SLCO3A1: variants seen among roughly 807,000 people sequenced by gnomAD.
SLCO3A1 encodes the protein PGE1 transporter.
In SLCO3A1, 27 loss-of-function variants were observed where a neutral mutation model predicts 63.1. That is an observed-to-expected ratio of 0.43 (90% CI 0.32 to 0.59). The LOEUF (loss-of-function observed/expected upper bound fraction) is 0.59. Among genes scored for constraint, SLCO3A1 ranks in the 20% least tolerant of loss-of-function variants. The probability of loss-of-function intolerance (pLI) is 0.09; values close to 1 mark genes in which losing one functional copy is unlikely to be tolerated. For synonymous variants in SLCO3A1, 473 were observed against 409.9 expected (o/e 1.15, Z -1.86); for missense variants, 773 against 945.8 (o/e 0.82, Z 2.40).
chr15:91,957,172 G>A (rs1302556059), intron 2 of SLCO3A1, among the ~76,000 whole-genome samples: 1 of 66,852 alleles, frequency 1.5e-5, no homozygotes, highest in African/African-American at 6.3e-5. Context: ...TTTTTTTTTA[G>A]TAGAGACGGG....
At chr15:92,066,564 A>G (rs923759202) in intron 2 of SLCO3A1, among the ~76,000 whole-genome samples, 9 of 152,318 alleles carry the variant, frequency 5.9e-5, no homozygotes, top group Non-Finnish European at 1.2e-4. Flanking sequence ...GGTGAGTTCA[A>G]GTCCATATTC....
At chr15:92,159,196 T>C (rs1435414584) in intron 9 of SLCO3A1, among the ~76,000 whole-genome samples, 3 of 152,176 alleles carry the variant, frequency 2.0e-5, no homozygotes, top group Non-Finnish European at 4.4e-5. Context: ...TTAAAAGTTC[T>C]TTCATCTCAG....
chr15:92,037,009 A>G (rs142406327), intron 2 of SLCO3A1, among the ~76,000 whole-genome samples: 10 of 152,282 alleles, frequency 6.6e-5, no homozygotes, highest in Admixed American at 1.3e-4. Flanking sequence ...TAGGGACTGG[A>G]CACTGTTTTG....
In SLCO3A1 at chr15:91,886,551, G is replaced by C. The variant is rs976257705; in HGVS notation, c.181-29442G>C. Among the ~76,000 whole-genome samples the C allele has an allele frequency of 1.3e-5, 2 of 152,192 alleles. No homozygotes were observed. Among genetic ancestry groups the C allele is most frequent in the African/African-American group, 4.8e-5 (2 of 41,452 alleles). On this transcript the variant is annotated intron_variant, in intron 1 of 9. Coordinates refer to ENST00000318445, the MANE Select transcript of SLCO3A1 (RefSeq NM_013272.4). This position sits in a 1 kb window ranked among gnomAD's most constrained non-coding sequence, Gnocchi z 4.9. Reference sequence around the variant, plus strand: ...CGCTTTGCCCTTCCAAAGAGAGATGGAAGATTCAGCCTCAGCGTCAGTGTT... The same window carrying C: ...CGCTTTGCCCTTCCAAAGAGAGATGCAAGATTCAGCCTCAGCGTCAGTGTT...
intron 2 of SLCO3A1, among the ~76,000 whole-genome samples, chr15:92,090,964 C>T (rs2047466480): frequency 6.6e-6 from 1 of 152,090 alleles, no homozygotes; most frequent in Non-Finnish European, 1.5e-5. Flanking sequence ...GTACTTTGCC[C>T]AAAGGTTCAT....
chr15:91,867,725 G>T (rs1897199315), intron 1 of SLCO3A1, among the ~76,000 whole-genome samples: 2 of 152,176 alleles, frequency 1.3e-5, no homozygotes, highest in African/African-American at 4.8e-5. Context: ...TGCTGAGAGA[G>T]GCCACTCCTC....
intron 1 of SLCO3A1, among the ~76,000 whole-genome samples, chr15:91,907,395 G>A (rs990283336): frequency 1.3e-5 from 2 of 151,806 alleles, no homozygotes; most frequent in African/African-American, 4.8e-5. Flanking sequence ...TAGTAGAGAT[G>A]GGGTTTCACC....
rs77843579 is a variant in SLCO3A1, at chr15:92,001,221, A to AG, written c.646+84768dup. Among the ~76,000 whole-genome samples, 214 of 39,270 alleles carry AG rather than the reference A, an allele frequency of 5.4e-3. 2 individuals are homozygous for AG. Among genetic ancestry groups the AG allele is most frequent in the South Asian group, 0.026 (29 of 1,124 alleles). The allele number at this position is 39,270 out of a possible 152,430, so 25.8% of individuals were successfully genotyped here. On this transcript the variant is annotated intron_variant, in intron 2 of 9. Transcript: ENST00000318445. ...AGGACCAGGTGGGTGGGCGGGGGGG[A>AG]GGGGGCGAACAAAAGAAAACATGCT...
intron 2 of SLCO3A1, among the ~76,000 whole-genome samples, chr15:91,982,653 T>C (rs1450518865): frequency 2.0e-5 from 3 of 152,234 alleles, no homozygotes; most frequent in African/African-American, 4.8e-5. Context: ...TGAAAATCAC[T>C]GCTCTAGAGT....
In SLCO3A1 at chr15:92,104,844, G is replaced by T. The variant is rs59643016; in HGVS notation, c.1009+302G>T. ...TCTTCAGAAGGAAGCAAAATATTCTGTGGAGCTTTTTTGAATTCTTTCAGG... is the reference window on the plus strand; with the variant it reads ...TCTTCAGAAGGAAGCAAAATATTCTTTGGAGCTTTTTTGAATTCTTTCAGG... On this transcript the variant is annotated intron_variant, in intron 4 of 9. Coordinates refer to ENST00000318445, the MANE Select transcript of SLCO3A1 (RefSeq NM_013272.4). 3.6e-3 allele frequency among the ~76,000 whole-genome samples: 551 copies of T among 152,268 alleles called. 1 individual carries two copies. Among genetic ancestry groups the T allele is most frequent in the African/African-American group, 0.013 (532 of 41,532 alleles).
In SLCO3A1 at chr15:92,163,438, G is replaced by C. The variant is rs2048465355; in HGVS notation, c.*303G>C. ...GGATGCTGACAGCTGCAAGCAACAG[G>C]CACTGCCAAATTCAGGGAACAGTGG... On this transcript the variant is annotated 3_prime_UTR_variant, in exon 10 of 10. Coordinates refer to ENST00000318445, the MANE Select transcript of SLCO3A1 (RefSeq NM_013272.4). The C allele has an allele frequency of 9.4e-7, 1 of 1,061,338 alleles. No individual in the cohort carries two copies. 65.7% of individuals were successfully genotyped at this position (1,061,338 alleles called of 1,614,324 possible).
At chr15:91,952,598 C>T (rs1900036698) in intron 2 of SLCO3A1, among the ~76,000 whole-genome samples, 1 of 152,218 alleles carries the variant, frequency 6.6e-6, no homozygotes, top group African/African-American at 2.4e-5. Flanking sequence ...CATGCTAAAG[C>T]ACCTTGTATC....
intron 1 of SLCO3A1, among the ~76,000 whole-genome samples, chr15:91,861,275 C>T (rs1456867454): frequency 6.6e-6 from 1 of 152,158 alleles, no homozygotes; most frequent in Admixed American, 6.5e-5. Context: ...CCAGGGGAGC[C>T]TTCATCCATG....
Position 92,162,872 on chromosome 15 carries a change from T to A in SLCO3A1, c.1870T>A (p.Tyr624Asn). 1 of 1,614,216 alleles carries A rather than the reference T, an allele frequency of 6.2e-7. No individual in the cohort carries two copies. Among genetic ancestry groups the A allele is most frequent in the Non-Finnish European group, 8.5e-7 (1 of 1,180,052 alleles). Reference sequence around the variant, plus strand: ...CCTCTACGACAATGTGGTCTACCGATACCTGTATGTCAGCATCGCCATCGC... The same window carrying A: ...CCTCTACGACAATGTGGTCTACCGAAACCTGTATGTCAGCATCGCCATCGC... ...CVLYDNVVYR[Y>N]LYVSIAIALK... The change falls in exon 10 of 10, where the codon TAC becomes AAC. Residue 624 changes from tyrosine to asparagine, a missense_variant. Transcript: ENST00000318445.
intron 2 of SLCO3A1, among the ~76,000 whole-genome samples, chr15:92,079,850 T>A (rs531198538): frequency 6.6e-6 from 1 of 152,360 alleles, no homozygotes; most frequent in South Asian, 2.1e-4. Flanking sequence ...CACTGCCCCT[T>A]GCTGGGGGCT....
chr15:91,959,586 G>A (rs752973978), intron 2 of SLCO3A1, among the ~76,000 whole-genome samples: 50 of 151,628 alleles, frequency 3.3e-4, no homozygotes, highest in African/African-American at 1.1e-3. Flanking sequence ...AAAAAAATTC[G>A]CTGGGTGTGG....
At chr15:92,055,739 C>T (rs1254838189) in intron 2 of SLCO3A1, among the ~76,000 whole-genome samples, 1 of 152,168 alleles carries the variant, frequency 6.6e-6, no homozygotes, top group Non-Finnish European at 1.5e-5. Flanking sequence ...CATGTGGCCC[C>T]TTCTTTAGCC....
chr15:92,079,479 C>T (rs1041092968), intron 2 of SLCO3A1, among the ~76,000 whole-genome samples: 1 of 152,242 alleles, frequency 6.6e-6, no homozygotes, highest in South Asian at 2.1e-4. Flanking sequence ...TCACTGTGCC[C>T]TCACACGGTC....
At chr15:92,003,061 G>A (rs533717480) in intron 2 of SLCO3A1, among the ~76,000 whole-genome samples, 3 of 152,204 alleles carry the variant, frequency 2.0e-5, no homozygotes, top group African/African-American at 4.8e-5. Context: ...TACATTGCCC[G>A]CCTCCCCTGT....
Sources: gnomAD v4.1 joint callset for allele counts (sites outside exome capture counted in the v4.1 genomes callset) on GRCh38, gnomAD v4.1.1 for gene constraint, Gnocchi (gnomAD v3.1) non-coding constraint, MANE v1.5 for transcripts, NCBI Gene and HGNC (gene_info 2026-07-23, HGNC 2026-07-21) for gene names.